The following SLC9B1 variants were observed in gnomAD, a reference collection of about 807,000 sequenced individuals.
SLC9B1 encodes sodium/hydrogen exchanger 9B1.
In SLC9B1, 32 loss-of-function variants were observed where a neutral mutation model predicts 51.7. The observed-to-expected ratio is 0.62, with a 90% CI of 0.47 to 0.83. The LOEUF (loss-of-function observed/expected upper bound fraction) is 0.83, where lower values mean the gene tolerates loss of function less well. Ranked by LOEUF, SLC9B1 falls within the 40% of genes least tolerant of loss-of-function variation. The pLI is 0.00. For synonymous variants in SLC9B1, 145 were observed against 212.7 expected (o/e 0.68, Z 2.77); for missense variants, 406 against 613.2 (o/e 0.66, Z 3.57).
At chr4:102,974,168 C>A (rs1195273701) in intron 3 of SLC9B1, among the ~76,000 whole-genome samples, 1 of 134,080 alleles carries the variant, frequency 7.5e-6, no homozygotes, top group East Asian at 2.3e-4. Context: ...GCTGGGGAGG[C>A]AGAGGTTGCA....
chr4:102,923,371 G>A (rs1278310394), intron 7 of SLC9B1, among the ~76,000 whole-genome samples: 1 of 151,610 alleles, frequency 6.6e-6, no homozygotes, highest in African/African-American at 2.4e-5. Context: ...AGCCCTTCAT[G>A]CTAAGAACTC....
chr4:102,973,685 C>G (rs1051632515), intron 3 of SLC9B1, among the ~76,000 whole-genome samples: 1 of 152,102 alleles, frequency 6.6e-6, no homozygotes, highest in Non-Finnish European at 1.5e-5. Context: ...GGCTTATACT[C>G]TGTAACTAAA....
At chr4:103,011,973 C>T (rs377422747) in intron 1 of SLC9B1, among the ~76,000 whole-genome samples, 1 of 152,300 alleles carries the variant, frequency 6.6e-6, no homozygotes, top group South Asian at 2.1e-4. Context: ...GGCTTCCTTC[C>T]ATCCATACTA....
chr4:102,943,476 T>C (rs1043875460), intron 6 of SLC9B1, among the ~76,000 whole-genome samples: 4 of 151,382 alleles, frequency 2.6e-5, no homozygotes, highest in African/African-American at 9.8e-5. Flanking sequence ...GGTGTATATA[T>C]ACGTATCTAT....
At chr4:103,016,528 T>A (rs537085505) in intron 1 of SLC9B1, among the ~76,000 whole-genome samples, 1 of 152,294 alleles carries the variant, frequency 6.6e-6, no homozygotes, top group South Asian at 2.1e-4. Flanking sequence ...AACTACTTAA[T>A]GTTTCCAAAA....
intron 3 of SLC9B1, among the ~76,000 whole-genome samples, chr4:102,982,248 G>A (rs1287344378): frequency 6.6e-6 from 1 of 151,966 alleles, no homozygotes; most frequent in Non-Finnish European, 1.5e-5. Flanking sequence ...ACTCTATTCT[G>A]TTTGATTGAT....
In SLC9B1 at chr4:102,963,416, G is replaced by C. The variant is rs574845612; in HGVS notation, c.212-13989C>G. On this transcript the variant is annotated intron_variant, in intron 3 of 11. Coordinates refer to ENST00000296422, the MANE Select transcript of SLC9B1 (RefSeq NM_139173.4). ...CCAGAGAAGACTACCATTTCTAAAT[G>C]ACATTTGGTGTTGATGTCTGAGCAG... 6 of 198,328 alleles carry C rather than the reference G, an allele frequency of 3.0e-5. No individual in the cohort carries two copies. In the East Asian group the frequency reaches 6.0e-4, roughly 20 times the overall value. 12.3% of individuals were successfully genotyped at this position (198,328 alleles called of 1,614,324 possible).
chr4:102,916,398 T>C (rs1413004336), intron 7 of SLC9B1, among the ~76,000 whole-genome samples: 3 of 152,184 alleles, frequency 2.0e-5, no homozygotes, highest in Non-Finnish European at 4.4e-5. Context: ...ATTATAAATA[T>C]ATATGCAACT....
At chr4:102,887,213 T>C in intron 11 of SLC9B1, 3 of 639,956 alleles carry the variant, frequency 4.7e-6, no homozygotes, top group Non-Finnish European at 8.6e-6. Context: ...AATGTAACTA[T>C]TACTCAGGAA....
chr4:102,910,887 T>A (rs7437975), intron 8 of SLC9B1, among the ~76,000 whole-genome samples: 52,316 of 151,750 alleles, frequency 0.34, 8,921 homozygotes, highest in Middle Eastern at 0.4. Context: ...CAGTTTCATA[T>A]AACATATCCA....
At chr4:102,981,639 C>T (rs902631814) in intron 3 of SLC9B1, among the ~76,000 whole-genome samples, 3 of 152,072 alleles carry the variant, frequency 2.0e-5, no homozygotes, top group Non-Finnish European at 2.9e-5. Flanking sequence ...GCTTACTTGC[C>T]ATCTGTATAT....
intron 11 of SLC9B1, among the ~76,000 whole-genome samples, chr4:102,903,700 T>C (rs1734892844): frequency 6.6e-6 from 1 of 152,222 alleles, no homozygotes; most frequent in Non-Finnish European, 1.5e-5. Context: ...TTAAACAGTC[T>C]AACAATAAGT....
chr4:102,906,342 C>G (rs1735053030), intron 10 of SLC9B1, 194 bp downstream of exon 10: 1 of 351,976 alleles, frequency 2.8e-6, no homozygotes, highest in Admixed American at 4.3e-5. Flanking sequence ...ATATTCAGGG[C>G]TGTCCTTGGT....
rs142177463 is a variant in SLC9B1 at position 102,905,209 on chromosome 4, G to GTTTGTTTATTTA, written c.1332+304_1332+305insTAAATAAACAAA. On this transcript the variant is annotated intron_variant, in intron 11 of 11. Coordinates refer to ENST00000296422, the MANE Select transcript of SLC9B1 (RefSeq NM_139173.4). ...GATTACATTAAGGTTCTTTGTTTTT[G>GTTTGTTTATTTA]TTTATTTATTTATTTATTTATTTAT... Among the ~76,000 whole-genome samples the GTTTGTTTATTTA allele has an allele frequency of 7.5e-5, 11 of 146,048 alleles. No individual in the cohort carries two copies. The South Asian group carries it at 1.7e-3, about 23-fold the overall frequency.
chr4:102,915,048 A>G (rs2110436540), intron 7 of SLC9B1, among the ~76,000 whole-genome samples: 1 of 152,302 alleles, frequency 6.6e-6, no homozygotes, highest in African/African-American at 2.4e-5. Flanking sequence ...TGGAATTCTC[A>G]GCAAAAACTC....
intron 7 of SLC9B1, among the ~76,000 whole-genome samples, chr4:102,926,440 C>T (rs1380909399): frequency 1.3e-5 from 2 of 152,192 alleles, no homozygotes; most frequent in Admixed American, 6.5e-5. Flanking sequence ...ACAAGCATTC[C>T]TATACACCAT....
intron 11 of SLC9B1, chr4:102,889,186 G>A (rs920053982): frequency 3.3e-5 from 5 of 150,956 alleles, no homozygotes; most frequent in Non-Finnish European, 7.4e-5. Flanking sequence ...CAAGGTGTAT[G>A]TCCAAAATTG....
intron 1 of SLC9B1, among the ~76,000 whole-genome samples, chr4:103,015,833 AAT>A (rs778376625): frequency 7.9e-5 from 12 of 152,132 alleles, no homozygotes; most frequent in Non-Finnish European, 1.6e-4. Flanking sequence ...TCTTACCAGA[AAT>A]TATACGTTCA....
At position 102,890,127 on chromosome 4, in the gene SLC9B1, G is replaced by A. The variant is rs1426665173; in HGVS notation, c.1333-4799C>T. 4.6e-5 allele frequency: 7 copies of A among 152,164 alleles called. No homozygotes were observed. In the East Asian group the frequency reaches 1.2e-3, roughly 25 times the overall value. 9.4% of individuals were successfully genotyped at this position (152,164 alleles called of 1,614,324 possible). A position where few individuals can be genotyped will look rare whatever the true frequency, so the allele number is the denominator to read the frequency against. ...TGAGGTATGAATGATTCATTCATAT[G>A]GGTAATTAAGCAAGTTGAATTATGG... On this transcript the variant is annotated intron_variant, in intron 11 of 11. Transcript: ENST00000394789.
Sources: allele counts gnomAD v4.1 joint callset (sites outside exome capture counted in the v4.1 genomes callset), GRCh38; gene constraint gnomAD v4.1.1; transcripts MANE v1.5; gene names NCBI Gene and HGNC (gene_info 2026-07-23, HGNC 2026-07-21).